Variants in PHACTR1 observed in about 807,000 individuals in gnomAD.
PHACTR1 encodes RPEL repeat containing 1.
PHACTR1 carries 16 observed loss-of-function variants against 69.2 expected under a neutral mutation model. That is an observed-to-expected ratio of 0.23 (90% CI 0.16 to 0.35). The LOEUF is 0.35. Ranked by LOEUF, PHACTR1 falls within the 10% of genes least tolerant of loss-of-function variation. PHACTR1 has a pLI of 1.00. For missense variants in PHACTR1, 510 were observed against 734.7 expected, an observed-to-expected ratio of 0.69 and a Z score of 3.54; for synonymous variants, 312 against 284.5, an observed-to-expected ratio of 1.10 and a Z score of -0.97.
intron 4 of PHACTR1, among the ~76,000 whole-genome samples, chr6:12,867,964 A>C (rs1037852067): frequency 3.9e-5 from 6 of 152,150 alleles, no homozygotes; most frequent in Non-Finnish European, 7.3e-5. Flanking sequence ...GGGAATAAGA[A>C]GTTCAGGTGC....
At chr6:13,062,633 G>A (rs1333176789) in intron 5 of PHACTR1, among the ~76,000 whole-genome samples, 1 of 152,206 alleles carries the variant, frequency 6.6e-6, no homozygotes, top group Non-Finnish European at 1.5e-5. Flanking sequence ...TGGTGTCCAA[G>A]ATGGTTGCCT....
At chr6:12,721,021 A>AT (rs1406420787) in intron 3 of PHACTR1, among the ~76,000 whole-genome samples, 4 of 152,246 alleles carry the variant, frequency 2.6e-5, no homozygotes, top group Non-Finnish European at 5.9e-5. Flanking sequence ...TGTCTGCCAC[A>AT]TAAGAAATGC....
chr6:12,787,101 T>C (rs1771635253), intron 4 of PHACTR1, among the ~76,000 whole-genome samples: 1 of 152,238 alleles, frequency 6.6e-6, no homozygotes, highest in Non-Finnish European at 1.5e-5. Flanking sequence ...TGGAAAGTTC[T>C]TATAAAATAT....
intron 4 of PHACTR1, among the ~76,000 whole-genome samples, chr6:12,896,110 CA>C (rs899549986): frequency 6.6e-6 from 1 of 152,150 alleles, no homozygotes; most frequent in African/African-American, 2.4e-5. Context: ...AGAATTAATG[CA>C]AATGGAGCAA....
chr6:13,024,831 A>G (rs981725538), intron 4 of PHACTR1, among the ~76,000 whole-genome samples: 7 of 152,152 alleles, frequency 4.6e-5, no homozygotes, highest in African/African-American at 1.4e-4. Context: ...GACCCCTCCC[A>G]TCCTTGTCCC....
At chr6:12,985,422 C>A (rs1327046639) in intron 4 of PHACTR1, among the ~76,000 whole-genome samples, 3 of 151,644 alleles carry the variant, frequency 2.0e-5, no homozygotes, top group Non-Finnish European at 4.4e-5. Flanking sequence ...CTGTAATTTT[C>A]TTCCCGATGA....
intron 5 of PHACTR1, among the ~76,000 whole-genome samples, chr6:13,088,143 T>C (rs974244674): frequency 6.6e-6 from 1 of 152,150 alleles, no homozygotes; most frequent in Non-Finnish European, 1.5e-5. Context: ...CAAGAGAATC[T>C]AAACAAACTT....
rs201322567 is a variant in PHACTR1, at chr6:12,830,092, G to GGAAAGAAA, written c.250+80361_250+80368dup. On this transcript the variant is annotated intron_variant, in intron 4 of 14. Transcript: ENST00000332995. The stretch of plus-strand genomic sequence containing the variant: ...AAGAAAGAAGGAAGGAAGGAAGGAG[G>GGAAAGAAA]GAAAGAAAGAAAGAAAGAAAGAAAG... Among the ~76,000 whole-genome samples the GGAAAGAAA allele has an allele frequency of 8.9e-3, 966 of 109,118 alleles. 13 individuals carry two copies. Among genetic ancestry groups the GGAAAGAAA allele is most frequent in the African/African-American group, 0.015 (358 of 23,144 alleles). 71.6% of individuals were successfully genotyped at this position (109,118 alleles called of 152,430 possible).
chr6:12,904,532 C>T (rs1391621880), intron 4 of PHACTR1, among the ~76,000 whole-genome samples: 2 of 143,782 alleles, frequency 1.4e-5, no homozygotes, highest in African/African-American at 5.2e-5. Flanking sequence ...AAAACTCCAT[C>T]TCAAAAAAAA....
chr6:13,184,369 C>T (rs191279232), intron 7 of PHACTR1, among the ~76,000 whole-genome samples: 199 of 152,254 alleles, frequency 1.3e-3, no homozygotes, highest in African/African-American at 4.5e-3. Context: ...CAGGCCCCAG[C>T]GAGGCTGCTG....
chr6:13,229,021 A>G (rs953004499), intron 9 of PHACTR1, among the ~76,000 whole-genome samples: 9 of 152,250 alleles, frequency 5.9e-5, no homozygotes, highest in Admixed American at 5.9e-4. Flanking sequence ...CTGGTGAGCT[A>G]TGAAGGGATC....
At chr6:13,272,387 C>G (rs887750513) in intron 10 of PHACTR1, 1 of 166,376 alleles carries the variant, frequency 6.0e-6, no homozygotes, top group Non-Finnish European at 1.3e-5. Flanking sequence ...TCTCTGCAGA[C>G]AGACACATTC....
At chr6:12,965,451 C>CT (rs55640152) in intron 4 of PHACTR1, among the ~76,000 whole-genome samples, 59,960 of 130,880 alleles carry the variant, frequency 0.46, 16,266 homozygotes, top group East Asian at 0.77. Context: ...TATTTTGTGC[C>CT]TTTTTTTTTT....
intron 6 of PHACTR1, among the ~76,000 whole-genome samples, chr6:13,176,819 G>T (rs1761382359): frequency 6.6e-6 from 1 of 151,906 alleles, no homozygotes. Flanking sequence ...CATATTCAAT[G>T]GTTATTTATT....
chr6:13,083,421 A>G (rs370644580), intron 5 of PHACTR1, among the ~76,000 whole-genome samples: 3 of 152,082 alleles, frequency 2.0e-5, no homozygotes, highest in East Asian at 1.9e-4. Context: ...TTGACTTGGC[A>G]ATGCGGGCTC....
chr6:13,036,828 A>G (rs968793120), intron 4 of PHACTR1, among the ~76,000 whole-genome samples: 4 of 152,240 alleles, frequency 2.6e-5, no homozygotes, highest in African/African-American at 9.6e-5. Flanking sequence ...TGTCCTAACC[A>G]TGAATATTCC....
chr6:12,731,696 TC>T (rs1320440017), intron 3 of PHACTR1, among the ~76,000 whole-genome samples: 2 of 152,314 alleles, frequency 1.3e-5, no homozygotes, highest in Non-Finnish European at 2.9e-5. Context: ...TTTCTAATAA[TC>T]AAGTGACTTC....
chr6:13,086,185 C>G (rs1013231167), intron 5 of PHACTR1, among the ~76,000 whole-genome samples: 4 of 149,186 alleles, frequency 2.7e-5, no homozygotes, highest in African/African-American at 9.9e-5. Flanking sequence ...AACTTTATGC[C>G]AAAATTTGAA....
chr6:13,272,644 G>C, intron 10 of PHACTR1: 3 of 1,420,518 alleles, frequency 2.1e-6, no homozygotes, highest in South Asian at 2.9e-5. Flanking sequence ...GGAGGAGGGC[G>C]GGGGTCAGCG....
Sources: allele counts gnomAD v4.1 joint callset (sites outside exome capture counted in the v4.1 genomes callset), GRCh38; gene constraint gnomAD v4.1.1; transcripts MANE v1.5; gene names NCBI Gene and HGNC (gene_info 2026-07-23, HGNC 2026-07-21).